Variants in RASA1 observed in about 807,000 individuals in gnomAD.
The protein encoded by RASA1 is ras GTPase-activating protein 1.
In RASA1, 25 loss-of-function variants were observed where a neutral mutation model predicts 132.2. The ratio of observed to expected loss-of-function variants is 0.19; its 90% CI spans 0.14 to 0.26. The LOEUF is 0.26. RASA1 is among the 10% of genes least tolerant of loss of function. RASA1 has a pLI of 1.00. For missense variants in RASA1, 964 were observed against 1,299.2 expected, an observed-to-expected ratio of 0.74 and a Z score of 3.97; for synonymous variants, 477 against 449.9, an observed-to-expected ratio of 1.06 and a Z score of -0.76.
At chr5:87,345,587 C>G (rs530839077) in intron 6 of RASA1, among the ~76,000 whole-genome samples, 8 of 152,254 alleles carry the variant, frequency 5.3e-5, no homozygotes, top group African/African-American at 1.9e-4. Flanking sequence ...ACCAGGAGAT[C>G]TGAATCAGTG....
chr5:87,296,881 C>T (rs914818765), intron 1 of RASA1, among the ~76,000 whole-genome samples: 1 of 151,972 alleles, frequency 6.6e-6, no homozygotes, highest in Non-Finnish European at 1.5e-5. Context: ...ATTATTGTTT[C>T]CTTGTGTTAC....
intron 20 of RASA1, among the ~76,000 whole-genome samples, chr5:87,381,962 A>G (rs1284577679): frequency 2.6e-5 from 4 of 152,020 alleles, no homozygotes; most frequent in African/African-American, 9.7e-5. Context: ...CTTAATTGTT[A>G]TTTTTTTGAG....
At chr5:87,338,536 A>ATATATATATATATATATATATATTTT in intron 5 of RASA1, among the ~76,000 whole-genome samples, 5 of 85,220 alleles carry the variant, frequency 5.9e-5, no homozygotes, top group Non-Finnish European at 9.3e-5. Flanking sequence ...TATATATAAA[A>ATATATATATATATATATATATATTTT]TTTTTTTTTT....
intron 15 of RASA1, among the ~76,000 whole-genome samples, chr5:87,375,942 G>C (rs1257691162): frequency 6.6e-6 from 1 of 152,110 alleles, no homozygotes; most frequent in Non-Finnish European, 1.5e-5. Context: ...CCTTATATTT[G>C]AAGTGCTCTT....
intron 2 of RASA1, 150 bp from the exon 3 acceptor site, chr5:87,332,357 G>T: frequency 1.3e-6 from 1 of 747,522 alleles, no homozygotes; most frequent in Non-Finnish European, 2.1e-6. Context: ...TTACTGTGAT[G>T]AAGATACTAA....
chr5:87,355,396 G>C (rs542000187), intron 9 of RASA1, among the ~76,000 whole-genome samples: 13 of 152,252 alleles, frequency 8.5e-5, no homozygotes, highest in African/African-American at 2.9e-4. Flanking sequence ...CCTGTGCTCT[G>C]TCAATGGAAC....
At chr5:87,382,944 A>T (rs79490529) in intron 20 of RASA1, among the ~76,000 whole-genome samples, 1 of 150,952 alleles carries the variant, frequency 6.6e-6, no homozygotes, top group South Asian at 2.1e-4. Flanking sequence ...AAAAAAAAAA[A>T]TTGCCAGGTA....
chr5:87,357,837 C>T (rs114303918), intron 9 of RASA1, among the ~76,000 whole-genome samples: 1,832 of 152,240 alleles, frequency 0.012, 30 homozygotes, highest in African/African-American at 0.041. Context: ...AACAAACCTC[C>T]AATTGGTTTT....
At chr5:87,327,840 C>T (rs909491106) in intron 1 of RASA1, among the ~76,000 whole-genome samples, 1 of 151,992 alleles carries the variant, frequency 6.6e-6, no homozygotes, top group African/African-American at 2.4e-5. Context: ...TGGCACACAC[C>T]TGTAATCCCA....
At chr5:87,286,840 C>CAT (rs549336677) in intron 1 of RASA1, among the ~76,000 whole-genome samples, 63 of 149,438 alleles carry the variant, frequency 4.2e-4, no homozygotes, top group Middle Eastern at 3.5e-3. Context: ...ATATATATAC[C>CAT]ATATATATAT....
intron 4 of RASA1, among the ~76,000 whole-genome samples, chr5:87,337,416 T>A (rs908479699): frequency 2.6e-5 from 4 of 152,104 alleles, no homozygotes; most frequent in African/African-American, 9.6e-5. Context: ...ATAATGGGTA[T>A]CTGGGTGAAT....
At chr5:87,271,452 CTTTTTTTTTTTTT>C (rs201918763) in intron 1 of RASA1, among the ~76,000 whole-genome samples, 40 of 38,232 alleles carry the variant, frequency 1.0e-3, no homozygotes, top group African/African-American at 2.5e-3. Context: ...TAGTAGACTT[CTTTTTTTTTTTTT>C]TTTTTTTTTT....
intron 1 of RASA1, among the ~76,000 whole-genome samples, chr5:87,302,454 C>T (rs1561266326): frequency 6.6e-6 from 1 of 150,668 alleles, no homozygotes; most frequent in Non-Finnish European, 1.5e-5. Context: ...GGCTATGAGT[C>T]TTTTGATGAG....
At chr5:87,300,389 G>A (rs1755309399) in intron 1 of RASA1, among the ~76,000 whole-genome samples, 1 of 152,024 alleles carries the variant, frequency 6.6e-6, no homozygotes, top group Admixed American at 6.6e-5. Flanking sequence ...CATAAGCTGG[G>A]CAGGGTGGCC....
intron 1 of RASA1, among the ~76,000 whole-genome samples, chr5:87,289,753 G>C (rs1044585336): frequency 1.7e-4 from 26 of 152,028 alleles, no homozygotes; most frequent in African/African-American, 6.0e-4. Context: ...TAAGACTACA[G>C]ATGCATGCCA....
At chr5:87,382,309 T>C (rs1761775089) in intron 20 of RASA1, among the ~76,000 whole-genome samples, 1 of 152,124 alleles carries the variant, frequency 6.6e-6, no homozygotes, top group Non-Finnish European at 1.5e-5. Flanking sequence ...TTTCTAAGAG[T>C]CCAAAAATTA....
chr5:87,361,827 T>G (rs998764729), intron 9 of RASA1, among the ~76,000 whole-genome samples: 1 of 151,884 alleles, frequency 6.6e-6, no homozygotes, highest in Non-Finnish European at 1.5e-5. Context: ...AATATAAATA[T>G]GTTGCTTAGT....
chr5:87,312,518 C>T (rs1755999505), intron 1 of RASA1, among the ~76,000 whole-genome samples: 1 of 152,182 alleles, frequency 6.6e-6, no homozygotes, highest in South Asian at 2.1e-4. Context: ...CTATAACCTA[C>T]AGAAACAGAA....
chr5:87,390,760 G>A (rs757814726), intron 24 of RASA1, 40 bp from the exon 25 acceptor site: 11 of 1,541,758 alleles, frequency 7.1e-6, no homozygotes, highest in South Asian at 2.2e-5. Context: ...ATTGCTGACC[G>A]AGCTTTCATT....
Sources: allele counts gnomAD v4.1 joint callset (sites outside exome capture counted in the v4.1 genomes callset), GRCh38; gene constraint gnomAD v4.1.1; transcripts MANE v1.5; gene names NCBI Gene and HGNC (gene_info 2026-07-23, HGNC 2026-07-21).